NKAIN3: variants seen among roughly 807,000 people sequenced by gnomAD.
NKAIN3 encodes sodium/potassium-transporting ATPase subunit beta-1-interacting protein 3.
Under a neutral mutation model 30.2 loss-of-function variants are expected in NKAIN3, and 25 were observed. The observed-to-expected ratio is 0.83, with a 90% CI of 0.60 to 1.16. The LOEUF is 1.16. Ranked by LOEUF, NKAIN3 falls within the 50% of genes most tolerant of loss-of-function variation. The probability of loss-of-function intolerance (pLI) is 0.00; values close to 1 mark genes in which losing one functional copy is unlikely to be tolerated. For synonymous variants in NKAIN3, 91 were observed against 89.6 expected (o/e 1.02, Z -0.09); for missense variants, 225 against 254.1 (o/e 0.89, Z 0.78).
At chr8:62,273,071 T>C (rs1812825767) in intron 1 of NKAIN3, among the ~76,000 whole-genome samples, 1 of 152,162 alleles carries the variant, frequency 6.6e-6, no homozygotes, top group South Asian at 2.1e-4. Context: ...ACTGGGGTGG[T>C]TGTGTTTCAA....
chr8:62,673,162 T>A (rs28392810), intron 3 of NKAIN3, among the ~76,000 whole-genome samples: 3,004 of 152,336 alleles, frequency 0.02, 89 homozygotes, highest in African/African-American at 0.068. Flanking sequence ...GGTCTATGCA[T>A]GTAAACACTG....
chr8:62,360,616 T>G (rs1478458003), intron 1 of NKAIN3, among the ~76,000 whole-genome samples: 1 of 152,192 alleles, frequency 6.6e-6, no homozygotes, highest in Non-Finnish European at 1.5e-5. Flanking sequence ...GGTGGACAGT[T>G]CTGTAGATAC....
chr8:62,465,658 G>A (rs1585839030), intron 1 of NKAIN3, among the ~76,000 whole-genome samples: 2 of 152,334 alleles, frequency 1.3e-5, no homozygotes, highest in East Asian at 1.9e-4. Context: ...AGGTGTTGAA[G>A]ATGAAGGAGA....
chr8:62,658,988 C>G (rs1236698466), intron 3 of NKAIN3, among the ~76,000 whole-genome samples: 1 of 152,010 alleles, frequency 6.6e-6, no homozygotes, highest in African/African-American at 2.4e-5. Context: ...GAGGCCCAGC[C>G]CACTGGAGAG....
At chr8:62,722,457 C>A (rs2130521141) in intron 3 of NKAIN3, among the ~76,000 whole-genome samples, 1 of 152,246 alleles carries the variant, frequency 6.6e-6, no homozygotes, top group East Asian at 1.9e-4. Context: ...AATAGGAATA[C>A]TACAAAATGA....
intron 4 of NKAIN3, among the ~76,000 whole-genome samples, chr8:62,799,612 A>G (rs1378308030): frequency 6.6e-6 from 1 of 152,240 alleles, no homozygotes; most frequent in Non-Finnish European, 1.5e-5. Context: ...GTAAACTAGT[A>G]TAACCACAAT....
intron 3 of NKAIN3, among the ~76,000 whole-genome samples, chr8:62,671,482 TA>T (rs1437403202): frequency 6.6e-6 from 1 of 152,200 alleles, no homozygotes; most frequent in Admixed American, 6.5e-5. Context: ...GAAAATATGA[TA>T]TTTTTCTGGG....
At chr8:62,772,801 C>G (rs778736449) in intron 4 of NKAIN3, among the ~76,000 whole-genome samples, 2 of 151,856 alleles carry the variant, frequency 1.3e-5, no homozygotes. Context: ...GCTGGGACTA[C>G]AAACGCACGC....
chr8:62,326,131 A>T (rs1253380103), intron 1 of NKAIN3, among the ~76,000 whole-genome samples: 1 of 151,968 alleles, frequency 6.6e-6, no homozygotes, highest in East Asian at 1.9e-4. Context: ...AAAAATAATT[A>T]TTGGCTTTGG....
chr8:62,527,882 GGTGTGTGTGTGTGTGT>G (rs68020312), intron 1 of NKAIN3, among the ~76,000 whole-genome samples: 12,428 of 143,784 alleles, frequency 0.086, 682 homozygotes, highest in East Asian at 0.19. Context: ...ACTTTTTTTT[GGTGTGTGTGTGTGTGT>G]GTGTGTGTGT....
chr8:62,322,377 A>T (rs550908553), intron 1 of NKAIN3, among the ~76,000 whole-genome samples: 54 of 152,128 alleles, frequency 3.5e-4, no homozygotes, highest in Admixed American at 2.3e-3. Context: ...TGAACCCAGT[A>T]CCTCAGTTGG....
chr8:62,582,607 G>T (rs1478178321), intron 2 of NKAIN3, among the ~76,000 whole-genome samples: 1 of 152,106 alleles, frequency 6.6e-6, no homozygotes, highest in African/African-American at 2.4e-5. Context: ...GTGAAGGGGG[G>T]TCTGGGCCGG....
chr8:62,342,235 C>CAAAAAAAAAA (rs3058285), intron 1 of NKAIN3, among the ~76,000 whole-genome samples: 22 of 124,744 alleles, frequency 1.8e-4, no homozygotes, highest in African/African-American at 6.1e-4. Flanking sequence ...ACCACTGAAC[C>CAAAAAAAAAA]AAAAAAAAAA....
At chr8:62,282,367 A>G (rs1209919689) in intron 1 of NKAIN3, among the ~76,000 whole-genome samples, 1 of 152,144 alleles carries the variant, frequency 6.6e-6, no homozygotes, top group African/African-American at 2.4e-5. Flanking sequence ...GGGATGGCGA[A>G]TGTAGTCAGG....
At chr8:62,990,649 T>C (rs1585649947) in intron 5 of NKAIN3, 3 of 152,872 alleles carry the variant, frequency 2.0e-5, no homozygotes, top group African/African-American at 7.2e-5. Flanking sequence ...GATCTTATTA[T>C]ACCAGCAGTT....
intron 3 of NKAIN3, among the ~76,000 whole-genome samples, chr8:62,605,120 G>A (rs985857829): frequency 6.6e-5 from 10 of 152,100 alleles, no homozygotes; most frequent in Non-Finnish European, 1.5e-4. Context: ...CCCAAACTTA[G>A]TGACTTAAAG....
intron 4 of NKAIN3, among the ~76,000 whole-genome samples, chr8:62,807,028 A>G (rs527579617): frequency 1.4e-4 from 21 of 152,084 alleles, no homozygotes; most frequent in South Asian, 8.3e-4. Flanking sequence ...CCTAAAACAT[A>G]TATTATTCTT....
At chr8:62,646,048 T>C (rs762406759) in intron 3 of NKAIN3, among the ~76,000 whole-genome samples, 4 of 151,684 alleles carry the variant, frequency 2.6e-5, no homozygotes, top group African/African-American at 4.8e-5. Flanking sequence ...GAGATGGAGT[T>C]ATTATATTGC....
At chr8:62,872,624 A>G (rs377639856) in intron 4 of NKAIN3, among the ~76,000 whole-genome samples, 16 of 152,328 alleles carry the variant, frequency 1.1e-4, no homozygotes, top group African/African-American at 3.8e-4. Flanking sequence ...TAAATGAATA[A>G]GAAAGACACA....
Sources: gnomAD v4.1 joint callset for allele counts (sites outside exome capture counted in the v4.1 genomes callset) on GRCh38, gnomAD v4.1.1 for gene constraint, MANE v1.5 for transcripts, NCBI Gene and HGNC (gene_info 2026-07-23, HGNC 2026-07-21) for gene names.